The following TRIO variants were observed in gnomAD, a reference collection of about 807,000 sequenced individuals.
TRIO encodes the protein triple functional domain protein.
TRIO carries 58 observed loss-of-function variants against 351.9 expected under a neutral mutation model. The ratio of observed to expected loss-of-function variants is 0.16; its 90% confidence interval spans 0.13 to 0.21. TRIO has a LOEUF of 0.21. Ranked by LOEUF, TRIO falls within the 10% of genes least tolerant of loss-of-function variation. The pLI, the probability that TRIO is intolerant of heterozygous loss-of-function variation, is 1.00. For missense variants in TRIO, 3,201 were observed against 4,027.8 expected (o/e 0.79, Z 5.56); for synonymous variants, 1,758 against 1,595.7 (o/e 1.10, Z -2.42).
chr5:14,378,055 T>G lies in TRIO; in HGVS notation c.3375T>G (p.His1125Gln). The change falls in exon 20 of 57, where the codon CAT (histidine) becomes CAG (glutamine). Residue 1125 changes from histidine to glutamine, a missense_variant. This residue lies in a region of TRIO where 201 missense variants were observed against 266.5 expected (regional missense o/e 0.75). Transcript: ENST00000344204. ...ELFQRENRVL[H>Q]YWTMRKRRLD... ...TCCAACGGGAGAACAGGGTATTGCA[T>G]TACTGGACCATGAGGAAGAGACGGC... 1.9e-6 allele frequency: 3 copies of G among 1,613,698 alleles called. No individual in the cohort carries two copies. Among genetic ancestry groups the G allele is most frequent in the Non-Finnish European group, 2.5e-6 (3 of 1,179,876 alleles).
At chr5:14,268,331 G>A (rs912903844) in intron 1 of TRIO, among the ~76,000 whole-genome samples, 4 of 152,230 alleles carry the variant, frequency 2.6e-5, no homozygotes, top group Non-Finnish European at 5.9e-5. Flanking sequence ...GTAAATAGGT[G>A]TGATTCAGAA....
intron 54 of TRIO, among the ~76,000 whole-genome samples, chr5:14,504,081 G>A (rs1055864484): frequency 1.1e-4 from 17 of 152,238 alleles, no homozygotes; most frequent in Admixed American, 2.6e-4. Context: ...GAAGGGAGTC[G>A]CCCGGCAAGG....
chr5:14,484,167 A>C (rs1389191063), intron 46 of TRIO, among the ~76,000 whole-genome samples: 1 of 152,234 alleles, frequency 6.6e-6, no homozygotes, highest in Non-Finnish European at 1.5e-5. Flanking sequence ...GTCTTTTGGC[A>C]GAAAATCACT....
At chr5:14,266,017 G>A (rs1561269617) in intron 1 of TRIO, among the ~76,000 whole-genome samples, 1 of 152,092 alleles carries the variant, frequency 6.6e-6, no homozygotes, top group South Asian at 2.1e-4. Context: ...TGTTGGTTGA[G>A]TTCATTGATT....
In TRIO at chr5:14,369,441, A is replaced by G. The variant is rs1331373351; in HGVS notation, c.3134A>G (p.Asp1045Gly). The change falls in exon 18 of 57, where the codon GAT becomes GGT. Residue 1045 changes from aspartate to glycine, a missense_variant. Physicochemically the swap from Asp to Gly is moderately conservative, Grantham distance 94. Coordinates refer to ENST00000344204, the MANE Select transcript of TRIO (RefSeq NM_007118.4). The stretch of plus-strand genomic sequence containing the variant: ...GAAGAAGACTGGTGTGGCGGGGCGG[A>G]TAAGCTGGGCCCAAACTCTGAGACG... Reference protein sequence around the residue: ...KREEDWCGGADKLGPNSETDH... With the variant: ...KREEDWCGGAGKLGPNSETDH... The G allele has an allele frequency of 1.2e-6, 2 of 1,613,910 alleles. No individual in the cohort carries two copies. The highest frequency in any genetic ancestry group is 3.3e-5 in the Admixed American group (2 of 60,002).
chr5:14,237,939 ACT>A lies in TRIO; in HGVS notation c.158-32883_158-32882del, dbSNP rs567934707. ...CTTTCCTCTAACATTTAGCATTATT[ACT>A]CTTTGTTGGACAAATTTACCTTAAG... On this transcript the variant is annotated intron_variant, in intron 1 of 56. Transcript: ENST00000344204. 3.5e-4 allele frequency among the ~76,000 whole-genome samples: 53 copies of A among 152,080 alleles called. 1 individual carries two copies. The South Asian group carries it at 0.011, about 32-fold the overall frequency.
At chr5:14,431,557 G>C (rs1751143295) in intron 34 of TRIO, among the ~76,000 whole-genome samples, 1 of 152,166 alleles carries the variant, frequency 6.6e-6, no homozygotes, top group Non-Finnish European at 1.5e-5. Context: ...TCAGGAGTCT[G>C]TAGAATTTGA....
intron 2 of TRIO, among the ~76,000 whole-genome samples, chr5:14,279,950 TG>T (rs1735852893): frequency 6.6e-6 from 1 of 152,150 alleles, no homozygotes; most frequent in Non-Finnish European, 1.5e-5. Context: ...GGGAAAAATG[TG>T]GGGGAGACTG....
intron 5 of TRIO, among the ~76,000 whole-genome samples, chr5:14,292,614 C>G (rs1737006582): frequency 6.6e-6 from 1 of 152,196 alleles, no homozygotes; most frequent in African/African-American, 2.4e-5. Context: ...CAGAACCCAT[C>G]CAGAGACCCA....
chr5:14,224,475 A>C (rs1581388776), intron 1 of TRIO, among the ~76,000 whole-genome samples: 1 of 152,156 alleles, frequency 6.6e-6, no homozygotes, highest in African/African-American at 2.4e-5. Context: ...GATTCACTGA[A>C]GGTGACATAG....
chr5:14,300,620 T>C (rs941269468), intron 7 of TRIO, among the ~76,000 whole-genome samples: 1 of 152,226 alleles, frequency 6.6e-6, no homozygotes, highest in Non-Finnish European at 1.5e-5. Context: ...TATAGTTCTT[T>C]AATATTTAGA....
intron 2 of TRIO, among the ~76,000 whole-genome samples, chr5:14,279,639 A>G (rs928424109): frequency 6.6e-6 from 1 of 152,156 alleles, no homozygotes; most frequent in Non-Finnish European, 1.5e-5. Context: ...TTAACAAGAA[A>G]TCGTTCTGCC....
At position 14,334,483 on chromosome 5, in the gene TRIO, G is replaced by A. The variant is rs559024291; in HGVS notation, c.1855-2053G>A. Among the ~76,000 whole-genome samples, 13 of 152,340 alleles carry A rather than the reference G, an allele frequency of 8.5e-5. No individual in the cohort carries two copies. In the South Asian group the frequency reaches 2.5e-3, roughly 29 times the overall value. On this transcript the variant is annotated intron_variant, in intron 10 of 56. Transcript: ENST00000344204. ...AATATCTTTACTTGTTGGAATAGAC[G>A]TGGGAAGGCTTTCAGAAACGTAATA...
chr5:14,441,873 A>G (rs367718865), intron 34 of TRIO, among the ~76,000 whole-genome samples: 6 of 152,224 alleles, frequency 3.9e-5, no homozygotes, highest in African/African-American at 1.4e-4. Flanking sequence ...CAACGTTGCC[A>G]TTGTATTCAA....
At chr5:14,351,127 C>T (rs544148415) in intron 11 of TRIO, among the ~76,000 whole-genome samples, 5 of 152,146 alleles carry the variant, frequency 3.3e-5, no homozygotes, top group East Asian at 1.9e-4. Flanking sequence ...AGTACTGGTC[C>T]GCAGCCCACA....
Position 14,466,047 on chromosome 5 carries a change from C to T in TRIO, c.5763+407C>T, listed in dbSNP as rs919370548. The T allele has an allele frequency of 4.1e-5, 9 of 217,656 alleles. No homozygotes were observed. In the East Asian group the frequency reaches 7.5e-4, roughly 18 times the overall value. The allele number at this position is 217,656 out of a possible 1,614,324, so 13.5% of individuals were successfully genotyped here. On this transcript the variant is annotated intron_variant, in intron 37 of 56. Coordinates refer to ENST00000344204, the MANE Select transcript of TRIO (RefSeq NM_007118.4). The stretch of plus-strand genomic sequence containing the variant: ...GCTCAGACGCATATGGCTGACTGCT[C>T]TGTGTGGCTGACCTTAGGTAGTCTC...
At chr5:14,356,127 C>G (rs1445843102) in intron 11 of TRIO, among the ~76,000 whole-genome samples, 1 of 152,082 alleles carries the variant, frequency 6.6e-6, no homozygotes, top group Admixed American at 6.5e-5. Context: ...TTTGCCAGCA[C>G]TTTTCTTATT....
chr5:14,189,780 G>C (rs1790349295), intron 1 of TRIO, among the ~76,000 whole-genome samples: 1 of 151,676 alleles, frequency 6.6e-6, no homozygotes, highest in South Asian at 2.1e-4. Context: ...GCCCAGGCTG[G>C]AGTGCAGTGG....
intron 31 of TRIO, among the ~76,000 whole-genome samples, chr5:14,405,188 T>C (rs985539438): frequency 6.6e-6 from 1 of 152,078 alleles, no homozygotes; most frequent in Non-Finnish European, 1.5e-5. Context: ...GGACATTTCT[T>C]GAGAGTTGTA....
Sources: gnomAD v4.1 joint callset for allele counts (sites outside exome capture counted in the v4.1 genomes callset) on GRCh38, gnomAD v4.1.1 for gene constraint, gnomAD v4.1.1 regional missense constraint, MANE v1.5 for transcripts, NCBI Gene and HGNC (gene_info 2026-07-23, HGNC 2026-07-21) for gene names.